FBN1: variants seen among roughly 807,000 people sequenced by gnomAD.
The protein encoded by FBN1 is fibrillin-1.
A neutral mutation model predicts 365.1 loss-of-function variants in FBN1; 29 were observed. The ratio of observed to expected loss-of-function variants is 0.08; its 90% CI spans 0.06 to 0.11. FBN1 has a LOEUF of 0.11. FBN1 is among the 10% of genes least tolerant of loss of function. The pLI is 1.00. For missense variants in FBN1, 2,476 were observed against 3,703.2 expected, an observed-to-expected ratio of 0.67 and a Z score of 8.60; for synonymous variants, 1,210 against 1,270.5, an observed-to-expected ratio of 0.95 and a Z score of 1.01.
At chr15:48,495,678 T>A in intron 20 of FBN1, 90 bp from the exon 21 acceptor site, 1 of 1,509,848 alleles carries the variant, frequency 6.6e-7, no homozygotes, top group South Asian at 1.1e-5. Context: ...CTACTACATA[T>A]CCTTAATCCC....
chr15:48,472,070 C>T (rs1048296604), intron 35 of FBN1, among the ~76,000 whole-genome samples: 12 of 152,332 alleles, frequency 7.9e-5, no homozygotes, highest in East Asian at 3.9e-4. Context: ...TACCATTCTA[C>T]GTATGGACAA....
intron 10 of FBN1, among the ~76,000 whole-genome samples, chr15:48,519,717 A>C (rs2043834650): frequency 6.6e-6 from 1 of 152,252 alleles, no homozygotes; most frequent in Non-Finnish European, 1.5e-5. Context: ...ACTTGAATTC[A>C]GAAATGCTCG....
intron 6 of FBN1, among the ~76,000 whole-genome samples, chr15:48,554,717 T>C (rs1172618963): frequency 6.6e-6 from 1 of 152,166 alleles, no homozygotes; most frequent in Non-Finnish European, 1.5e-5. Flanking sequence ...ATTGAAAAAG[T>C]ATGACAAATA....
chr15:48,519,638 A>G (rs762468812), intron 10 of FBN1, among the ~76,000 whole-genome samples: 38 of 152,348 alleles, frequency 2.5e-4, no homozygotes, highest in Non-Finnish European at 4.9e-4. Context: ...GAGGATATAT[A>G]ACAGGCAAGG....
At chr15:48,562,592 C>A (rs1184337845) in intron 6 of FBN1, among the ~76,000 whole-genome samples, 1 of 152,044 alleles carries the variant, frequency 6.6e-6, no homozygotes, top group Non-Finnish European at 1.5e-5. Context: ...TTTTTAAAAC[C>A]AAAGTATTTT....
intron 2 of FBN1, among the ~76,000 whole-genome samples, chr15:48,624,222 C>T (rs1684163268): frequency 1.3e-5 from 2 of 152,150 alleles, no homozygotes; most frequent in African/African-American, 4.8e-5. Flanking sequence ...GTTTAAAGTA[C>T]ATCATGTGTG....
At chr15:48,553,682 TC>T in intron 6 of FBN1, among the ~76,000 whole-genome samples, 1 of 152,116 alleles carries the variant, frequency 6.6e-6, no homozygotes, top group South Asian at 2.1e-4. Context: ...ATTTTTTTTT[TC>T]CAGATGTTAT....
intron 6 of FBN1, among the ~76,000 whole-genome samples, chr15:48,542,870 A>ACT (rs1337741965): frequency 6.8e-6 from 1 of 146,462 alleles, no homozygotes; most frequent in Non-Finnish European, 1.5e-5. Context: ...AATGAAGAGT[A>ACT]CTCGTGTGCC....
intron 23 of FBN1, among the ~76,000 whole-genome samples, chr15:48,493,178 C>A (rs1167277559): frequency 1.3e-5 from 2 of 152,158 alleles, no homozygotes; most frequent in African/African-American, 4.8e-5. Context: ...TTCATTCATT[C>A]ATCATTCATC....
At chr15:48,458,596 G>A (rs1307268315) in intron 43 of FBN1, among the ~76,000 whole-genome samples, 1 of 152,144 alleles carries the variant, frequency 6.6e-6, no homozygotes, top group East Asian at 1.9e-4. Flanking sequence ...TTAAATATAA[G>A]TGATATATTA....
intron 42 of FBN1, among the ~76,000 whole-genome samples, chr15:48,462,234 C>T (rs2043284651): frequency 6.6e-6 from 1 of 152,130 alleles, no homozygotes; most frequent in South Asian, 2.1e-4. Context: ...TTTCAACTAA[C>T]CCAAATCATA....
chr15:48,560,185 C>T (rs1296836797), intron 6 of FBN1, among the ~76,000 whole-genome samples: 2 of 152,062 alleles, frequency 1.3e-5, no homozygotes, highest in Non-Finnish European at 2.9e-5. Flanking sequence ...GACAAGAAGA[C>T]GAGCCAGGCA....
intron 9 of FBN1, 136 bp from the exon 10 acceptor site, chr15:48,520,953 G>A: frequency 8.4e-7 from 1 of 1,183,840 alleles, no homozygotes. Context: ...CCCCGGAAGG[G>A]AAGCTGCGAG....
At chr15:48,509,680 A>T (rs906248820) in intron 14 of FBN1, among the ~76,000 whole-genome samples, 1 of 151,490 alleles carries the variant, frequency 6.6e-6, no homozygotes, top group Non-Finnish European at 1.5e-5. Flanking sequence ...ATTACTAGGC[A>T]GACACTTTAA....
At chr15:48,582,304 C>T (rs1486914266) in intron 6 of FBN1, among the ~76,000 whole-genome samples, 2 of 152,308 alleles carry the variant, frequency 1.3e-5, no homozygotes, top group East Asian at 1.9e-4. Flanking sequence ...TAGTCTCTCC[C>T]GTGTGGAGTA....
Position 48,457,293 on chromosome 15 carries a change from C to T in FBN1, c.5297-531G>A, listed in dbSNP as rs185701243. ...GCTGGGCTGGGGCTGACAATAAAAA[C>T]GAGGTCAGCACCAAGGAAGAACTGT... On this transcript the variant is annotated intron_variant, in intron 43 of 65. Transcript: ENST00000316623. Among the ~76,000 whole-genome samples the T allele has an allele frequency of 9.2e-5, 14 of 152,264 alleles. No individual in the cohort carries two copies. In the East Asian group the frequency reaches 1.4e-3, roughly 15 times the overall value.
chr15:48,503,688 A>T, intron 17 of FBN1, 99 bp downstream of exon 17: 4 of 1,532,016 alleles, frequency 2.6e-6, no homozygotes, highest in Non-Finnish European at 3.6e-6. Context: ...GCGTACCTGG[A>T]GAGCAAAATG....
intron 10 of FBN1, among the ~76,000 whole-genome samples, chr15:48,517,156 T>C (rs1160366430): frequency 1.3e-5 from 2 of 152,156 alleles, no homozygotes; most frequent in African/African-American, 2.4e-5. Context: ...ATTTTGAACA[T>C]AGGAGTTTTG....
intron 6 of FBN1, 124 bp downstream of exon 6, chr15:48,596,159 T>C: frequency 3.4e-6 from 3 of 871,536 alleles, no homozygotes; most frequent in Admixed American, 3.9e-5. Flanking sequence ...CAATGACAAA[T>C]GAGAAATCCC....
Sources: gnomAD v4.1 joint callset for allele counts (sites outside exome capture counted in the v4.1 genomes callset) on GRCh38, gnomAD v4.1.1 for gene constraint, MANE v1.5 for transcripts, NCBI Gene and HGNC (gene_info 2026-07-23, HGNC 2026-07-21) for gene names.